EFCAB7: variants seen among roughly 807,000 people sequenced by gnomAD.
EFCAB7 encodes the protein EF-hand calcium-binding domain-containing protein 7.
A neutral mutation model predicts 77.1 loss-of-function variants in EFCAB7; 66 were observed. The ratio of observed to expected loss-of-function variants is 0.86; its 90% CI spans 0.70 to 1.05. The LOEUF (loss-of-function observed/expected upper bound fraction) is 1.05. EFCAB7 is among the 50% of genes least tolerant of loss of function. The probability of loss-of-function intolerance (pLI) is 0.00; values close to 1 mark genes in which losing one functional copy is unlikely to be tolerated. For synonymous variants in EFCAB7, 225 were observed against 243.3 expected (o/e 0.92, Z 0.70); for missense variants, 638 against 730.5 (o/e 0.87, Z 1.46).
intron 11 of EFCAB7, among the ~76,000 whole-genome samples, chr1:63,566,216 A>G (rs1339689227): frequency 1.3e-5 from 2 of 152,366 alleles, no homozygotes; most frequent in East Asian, 3.9e-4. Flanking sequence ...TGGAGCTGGA[A>G]GCCATTATCC....
chr1:63,574,020 C>T (rs113686558), downstream of EFCAB7, among the ~76,000 whole-genome samples: 11,385 of 152,176 alleles, frequency 0.075, 1,403 homozygotes, highest in African/African-American at 0.26. Context: ...GAAATGACCG[C>T]GGTGGCCTTC....
intron 1 of EFCAB7, among the ~76,000 whole-genome samples, 156 bp from the exon 2 acceptor site, chr1:63,525,416 T>C (rs939951891): frequency 6.6e-6 from 1 of 152,202 alleles, no homozygotes; most frequent in African/African-American, 2.4e-5. Flanking sequence ...TACTTCCACA[T>C]ATAAAACTTT....
At position 63,555,405 on chromosome 1, in the gene EFCAB7, TC is replaced by T. The variant is rs1402018544; in HGVS notation, c.1106del (p.Pro369LeufsTer8). 3.1e-6 allele frequency: 5 copies of T among 1,613,648 alleles called. No individual in the cohort carries two copies. The highest frequency in any genetic ancestry group is 4.2e-6 in the Non-Finnish European group (5 of 1,179,794). On this transcript the variant is annotated frameshift_variant, in exon 9 of 14. Coordinates refer to ENST00000371088, the MANE Select transcript of EFCAB7 (RefSeq NM_032437.4). LOFTEE classifies it high-confidence loss of function. ...ELGPGIYWLI[P>X]STTGCRLRKK... The stretch of plus-strand genomic sequence containing the variant: ...TAGGACCTGGAATTTACTGGTTAAT[TC>T]CTTCCACAACTGGCTGTAGGCTGAG...
intron 8 of EFCAB7, among the ~76,000 whole-genome samples, chr1:63,553,703 T>G (rs1416840604): frequency 6.6e-6 from 1 of 152,218 alleles, no homozygotes; most frequent in African/African-American, 2.4e-5. Context: ...TAGGACCTGG[T>G]GACCTTAAGA....
intron 11 of EFCAB7, among the ~76,000 whole-genome samples, chr1:63,562,594 G>T (rs1259313626): frequency 6.7e-6 from 1 of 148,390 alleles, no homozygotes; most frequent in Non-Finnish European, 1.5e-5. Context: ...CAACCTCCTG[G>T]GCTCAAGTAA....
At chr1:63,541,510 C>G (rs1304383234) in intron 6 of EFCAB7, among the ~76,000 whole-genome samples, 1 of 151,764 alleles carries the variant, frequency 6.6e-6, no homozygotes, top group Non-Finnish European at 1.5e-5. Flanking sequence ...TTAGAAATGA[C>G]CTAAATGTCT....
intron 6 of EFCAB7, among the ~76,000 whole-genome samples, chr1:63,535,984 G>C (rs987820205): frequency 6.6e-6 from 1 of 152,094 alleles, no homozygotes; most frequent in African/African-American, 2.4e-5. Context: ...ATACGATAGG[G>C]GCAGGTGTAA....
chr1:63,543,829 C>A (rs1646859069), intron 6 of EFCAB7, among the ~76,000 whole-genome samples: 1 of 152,060 alleles, frequency 6.6e-6, no homozygotes. Flanking sequence ...GGTAGGCAAG[C>A]CTACTAATAA....
intron 8 of EFCAB7, 98 bp downstream of exon 8, chr1:63,551,932 A>G: frequency 1.8e-6 from 1 of 549,704 alleles, no homozygotes; most frequent in Non-Finnish European, 2.9e-6. Flanking sequence ...AAGCTTTCAT[A>G]TACCTTCCAA....
intron 4 of EFCAB7, among the ~76,000 whole-genome samples, chr1:63,533,205 T>A (rs1646720057): frequency 6.6e-6 from 1 of 152,144 alleles, no homozygotes; most frequent in Non-Finnish European, 1.5e-5. Flanking sequence ...AAAATAATAA[T>A]AAATCACCTC....
At chr1:63,567,744 G>C (rs1354227943) in intron 11 of EFCAB7, among the ~76,000 whole-genome samples, 1 of 152,174 alleles carries the variant, frequency 6.6e-6, no homozygotes, top group African/African-American at 2.4e-5. Context: ...TGGATGGAGA[G>C]GCAAAGGCTC....
At position 63,531,866 on chromosome 1, in the gene EFCAB7, G is replaced by A; in HGVS notation, c.234G>A (p.Lys78=). The part of the protein sequence containing the change: ...GRNPSQKTIN[K]YWTPQTAKLN... ...ATCCATCCCAAAAGACCATTAATAA[G>A]TATTGGACTCCTCAAACTGCCAAAC... Residue 78 remains lysine, a synonymous_variant, in exon 3 of 14, where the codon AAG becomes AAA. Coordinates refer to ENST00000371088, the MANE Select transcript of EFCAB7 (RefSeq NM_032437.4). 6.2e-7 allele frequency: 1 copy of A among 1,613,268 alleles called. No individual in the cohort carries two copies. Among genetic ancestry groups the A allele is most frequent in the Non-Finnish European group, 8.5e-7 (1 of 1,179,528 alleles).
the EFCAB7 span, among the ~76,000 whole-genome samples, chr1:63,581,773 A>C: frequency 6.6e-6 from 1 of 152,214 alleles, no homozygotes; most frequent in Non-Finnish European, 1.5e-5. Flanking sequence ...AAAAGCAAGA[A>C]AAAGTTAGGT....
At chr1:63,566,027 T>G (rs1557689071) in intron 11 of EFCAB7, among the ~76,000 whole-genome samples, 2 of 152,116 alleles carry the variant, frequency 1.3e-5, no homozygotes, top group Non-Finnish European at 2.9e-5. Flanking sequence ...GTAAATTGTT[T>G]TATAAAGACA....
At chr1:63,571,173 GA>G in intron 13 of EFCAB7, 45 bp downstream of exon 13, 4 of 1,414,188 alleles carry the variant, frequency 2.8e-6, no homozygotes, top group Non-Finnish European at 3.9e-6. Context: ...TTATGTCTTT[GA>G]AAAAAATTTG....
At chr1:63,583,221 A>AT in the EFCAB7 span, among the ~76,000 whole-genome samples, 1 of 152,176 alleles carries the variant, frequency 6.6e-6, no homozygotes, top group Non-Finnish European at 1.5e-5. Context: ...AAACTCTACC[A>AT]TTTTATGAAT....
chr1:63,534,818 C>T (rs1402835084), intron 6 of EFCAB7, among the ~76,000 whole-genome samples: 2 of 152,088 alleles, frequency 1.3e-5, no homozygotes, highest in East Asian at 3.8e-4. Context: ...ACTGATTGCT[C>T]TCAAGAGCCA....
intron 13 of EFCAB7, among the ~76,000 whole-genome samples, chr1:63,572,057 C>G (rs1647278038): frequency 6.6e-6 from 1 of 152,184 alleles, no homozygotes. Flanking sequence ...TATTCTTACC[C>G]TTTCTTTCTC....
At position 63,555,362 on chromosome 1, in the gene EFCAB7, T is replaced by C; in HGVS notation, c.1061T>C (p.Phe354Ser). The change falls in exon 9 of 14, where the codon TTT becomes TCT. Residue 354 changes from phenylalanine (F) to serine (S), a missense_variant. Coordinates refer to ENST00000371088, the MANE Select transcript of EFCAB7 (RefSeq NM_032437.4). ...ATTTCATTGTTTTGAGAAAAGGTGT[T>C]TGGATGGACTGGTGAACTAGGACCT... ...CFTELRNREV[F>S]GWTGELGPGI... 6.2e-7 allele frequency: 1 copy of C among 1,609,268 alleles called. No homozygotes were observed. Among genetic ancestry groups the C allele is most frequent in the African/African-American group, 1.3e-5 (1 of 74,782 alleles).
Sources: allele counts gnomAD v4.1 joint callset (sites outside exome capture counted in the v4.1 genomes callset), GRCh38; gene constraint gnomAD v4.1.1; transcripts MANE v1.5; gene names NCBI Gene and HGNC (gene_info 2026-07-23, HGNC 2026-07-21).